Variants in PALD1 observed in about 807,000 individuals in gnomAD.
PALD1 encodes the protein paladin.
In PALD1, 57 loss-of-function variants were observed where a neutral mutation model predicts 96.0. That is an observed-to-expected ratio of 0.59 (90% CI 0.48 to 0.74). PALD1 has a LOEUF of 0.74. Ranked by LOEUF, PALD1 falls within the 30% of genes least tolerant of loss-of-function variation. The probability of loss-of-function intolerance (pLI) is 0.00; values close to 1 mark genes in which losing one functional copy is unlikely to be tolerated. For missense variants in PALD1, 1,063 were observed against 1,143.7 expected, an observed-to-expected ratio of 0.93 and a Z score of 1.02; for synonymous variants, 464 against 473.6, an observed-to-expected ratio of 0.98 and a Z score of 0.26.
chr10:70,485,955 C>G (rs1016373477), intron 1 of PALD1: 1 of 183,182 alleles, frequency 5.5e-6, no homozygotes, highest in African/African-American at 2.4e-5. Flanking sequence ...CAGATGTTTT[C>G]TCATGGCAGA....
intron 1 of PALD1, among the ~76,000 whole-genome samples, chr10:70,513,773 C>G (rs1456899137): frequency 1.3e-5 from 2 of 152,210 alleles, no homozygotes; most frequent in Non-Finnish European, 2.9e-5. Context: ...CAGCCTTTCC[C>G]TGCTCCCCAA....
At chr10:70,521,263 C>CTTT (rs1846729805) in intron 1 of PALD1, among the ~76,000 whole-genome samples, 1 of 151,268 alleles carries the variant, frequency 6.6e-6, no homozygotes, top group Admixed American at 6.6e-5. Context: ...GGTGCTTTTG[C>CTTT]TGCTAGGGTC....
At chr10:70,534,357 G>T in intron 8 of PALD1, 68 bp from the exon 9 acceptor site, 1 of 1,085,750 alleles carries the variant, frequency 9.2e-7, no homozygotes. Flanking sequence ...TATGAGTGGA[G>T]ACAGCAGGCG....
chr10:70,514,075 C>T (rs1846572584), intron 1 of PALD1, among the ~76,000 whole-genome samples: 1 of 152,250 alleles, frequency 6.6e-6, no homozygotes, highest in Non-Finnish European at 1.5e-5. Flanking sequence ...CATTCCCACA[C>T]TCTGCTGGCC....
intron 1 of PALD1, among the ~76,000 whole-genome samples, chr10:70,481,040 G>C (rs1845922421): frequency 6.6e-6 from 1 of 152,200 alleles, no homozygotes; most frequent in Admixed American, 6.5e-5. Flanking sequence ...ACCATTGCTG[G>C]GATCTGAATC....
intron 2 of PALD1, among the ~76,000 whole-genome samples, chr10:70,527,259 C>A (rs887238256): frequency 3.9e-5 from 6 of 152,142 alleles, no homozygotes; most frequent in African/African-American, 1.2e-4. Context: ...AATATTTAAC[C>A]AAGTGATGTG....
the PALD1 span, among the ~76,000 whole-genome samples, chr10:70,468,584 C>T: frequency 1.3e-5 from 2 of 152,098 alleles, no homozygotes; most frequent in South Asian, 4.1e-4. Context: ...TCCCTAGAGC[C>T]CAAGTGTGGA....
At chr10:70,467,571 G>A in the PALD1 span, among the ~76,000 whole-genome samples, 4 of 152,202 alleles carry the variant, frequency 2.6e-5, no homozygotes, top group South Asian at 2.1e-4. Context: ...TGAGATCCCC[G>A]TCACTGGGAG....
chr10:70,524,913 G>A (rs1230176961), intron 1 of PALD1, among the ~76,000 whole-genome samples: 2 of 152,214 alleles, frequency 1.3e-5, no homozygotes, highest in East Asian at 3.8e-4. Context: ...GAGCCTTGCA[G>A]GAGGACTGCC....
At chr10:70,512,459 G>A (rs1374227528) in intron 1 of PALD1, among the ~76,000 whole-genome samples, 4 of 152,246 alleles carry the variant, frequency 2.6e-5, no homozygotes, top group Admixed American at 1.3e-4. Flanking sequence ...GGCTGAGCCC[G>A]AGGGAGAAAG....
At chr10:70,501,312 C>T (rs1468693255) in intron 1 of PALD1, among the ~76,000 whole-genome samples, 1 of 152,182 alleles carries the variant, frequency 6.6e-6, no homozygotes, top group African/African-American at 2.4e-5. Context: ...TTCTCGGCCT[C>T]CCTGGGCCTC....
At chr10:70,483,118 A>C (rs1310406045) in intron 1 of PALD1, among the ~76,000 whole-genome samples, 2 of 151,980 alleles carry the variant, frequency 1.3e-5, no homozygotes, top group Non-Finnish European at 2.9e-5. Context: ...GGTCTGTGCT[A>C]GTTATGGTTG....
chr10:70,487,047 C>G (rs1460588603), intron 1 of PALD1, among the ~76,000 whole-genome samples: 1 of 151,978 alleles, frequency 6.6e-6, no homozygotes, highest in Non-Finnish European at 1.5e-5. Flanking sequence ...GGAGTAGTCT[C>G]TGCTCCAGGG....
At position 70,540,651 on chromosome 10, in the gene PALD1, C is replaced by T. The variant is rs766527944; in HGVS notation, c.1909-451C>T. 6.6e-6 allele frequency among the ~76,000 whole-genome samples: 1 copy of T among 152,136 alleles called. No homozygotes were observed. Among genetic ancestry groups the T allele is most frequent in the East Asian group, 1.9e-4 (1 of 5,196 alleles). On this transcript the variant is annotated intron_variant, in intron 15 of 19. Transcript: ENST00000263563. This position sits in a 1 kb window ranked among gnomAD's most constrained non-coding sequence, Gnocchi z 4.2. ...ATCTCTTCGCGGCTCTCACTGCCTG[C>T]GGTCTGCTGCCTCCTGGTGGCCTTG...
At chr10:70,543,637 T>C (rs59548051) in intron 17 of PALD1, among the ~76,000 whole-genome samples, 4,888 of 152,210 alleles carry the variant, frequency 0.032, 263 homozygotes, top group African/African-American at 0.11. Context: ...AGTTCAAGAG[T>C]CTGTCTTTCC....
At chr10:70,531,269 T>C (rs1846983606) in intron 4 of PALD1, 21 bp from the exon 5 acceptor site, 4 of 1,602,228 alleles carry the variant, frequency 2.5e-6, no homozygotes, top group East Asian at 2.2e-5. Flanking sequence ...ATGGCTTCCT[T>C]CCCCCTCGGG....
At chr10:70,529,858 G>C (rs1474644761) in intron 3 of PALD1, 31 bp from the exon 4 acceptor site, 1 of 1,607,800 alleles carries the variant, frequency 6.2e-7, no homozygotes, top group South Asian at 1.1e-5. Context: ...TGAGCCATCT[G>C]AGTGACCTTC....
At chr10:70,500,895 T>C (rs2132292308) in intron 1 of PALD1, among the ~76,000 whole-genome samples, 1 of 152,296 alleles carries the variant, frequency 6.6e-6, no homozygotes, top group Non-Finnish European at 1.5e-5. Flanking sequence ...GTCACTTCCC[T>C]GCCGGGGGTC....
At chr10:70,475,534 T>G (rs1467995110), upstream of PALD1, among the ~76,000 whole-genome samples, 4 of 135,738 alleles carry the variant, frequency 2.9e-5, no homozygotes, top group Non-Finnish European at 6.3e-5. Context: ...AGGTCCAGTG[T>G]CCCTCAGCTG....
Sources: gnomAD v4.1 joint callset for allele counts (sites outside exome capture counted in the v4.1 genomes callset) on GRCh38, gnomAD v4.1.1 for gene constraint, Gnocchi (gnomAD v3.1) non-coding constraint, MANE v1.5 for transcripts, NCBI Gene and HGNC (gene_info 2026-07-23, HGNC 2026-07-21) for gene names.